The following PHF24 variants were observed in gnomAD, a reference collection of about 807,000 sequenced individuals.
The protein encoded by PHF24 is PHD finger protein 24, also known as Galpha inhibitory interacting protein.
Under a neutral mutation model 42.6 loss-of-function variants are expected in PHF24, and 25 were observed. The ratio of observed to expected loss-of-function variants is 0.59; its 90% CI spans 0.43 to 0.82. PHF24 has a LOEUF of 0.82. Among genes scored for constraint, PHF24 ranks in the 40% least tolerant of loss-of-function variants. The probability of loss-of-function intolerance (pLI) is 0.00; values close to 1 mark genes in which losing one functional copy is unlikely to be tolerated. For synonymous variants in PHF24, 185 were observed against 204.8 expected, an observed-to-expected ratio of 0.90 and a Z score of 0.83; for missense variants, 470 against 538.1, an observed-to-expected ratio of 0.87 and a Z score of 1.25.
chr9:34,956,814 C>T (rs1826386017), upstream of PHF24, among the ~76,000 whole-genome samples: 1 of 152,188 alleles, frequency 6.6e-6, no homozygotes. Context: ...CATAGTGTCT[C>T]TTGAGAAATA....
At position 34,971,741 on chromosome 9, in the gene PHF24, G is replaced by A. The variant is rs1826997218; in HGVS notation, c.378+65G>A. 2.0e-6 allele frequency: 3 copies of A among 1,512,996 alleles called. No homozygotes were observed. The South Asian group carries it at 3.9e-5, about 20-fold the overall frequency. The allele number at this position is 1,512,996 out of a possible 1,614,324, so 93.7% of individuals were successfully genotyped here. A position where few individuals can be genotyped will look rare whatever the true frequency, so the allele number is the denominator to read the frequency against. The stretch of plus-strand genomic sequence containing the variant: ...CATCAGGGAGCAGGACAGGGAAGAT[G>A]GATGTGGGTAAGGTGATCCTCAAAA... On this transcript the variant is annotated intron_variant, in intron 2 of 7. Coordinates refer to ENST00000242315, the Ensembl canonical transcript of PHF24.
At chr9:34,699,279 T>G in the PHF24 span, among the ~76,000 whole-genome samples, 2 of 152,358 alleles carry the variant, frequency 1.3e-5, no homozygotes, top group African/African-American at 4.8e-5. Flanking sequence ...ACAGAGGATC[T>G]GTAAGGTATG....
chr9:34,903,171 A>T, the PHF24 span, among the ~76,000 whole-genome samples: 1 of 152,242 alleles, frequency 6.6e-6, no homozygotes, highest in Admixed American at 6.5e-5. Flanking sequence ...TCTAAACTCC[A>T]CTAAGGTCCT....
At chr9:34,688,267 C>T in the PHF24 span, among the ~76,000 whole-genome samples, 1 of 152,216 alleles carries the variant, frequency 6.6e-6, no homozygotes, top group South Asian at 2.1e-4. Context: ...TCCTTGCTGT[C>T]ATCTGACCCC....
chr9:34,809,536 A>T, the PHF24 span, among the ~76,000 whole-genome samples: 29 of 152,330 alleles, frequency 1.9e-4, no homozygotes, highest in East Asian at 4.6e-3. This position sits in a 1 kb window ranked among gnomAD's most constrained non-coding sequence, Gnocchi z 4.1. Flanking sequence ...AACAGTGCAC[A>T]GTCAGAGTTG....
chr9:34,788,925 G>C, the PHF24 span, among the ~76,000 whole-genome samples: 1 of 152,210 alleles, frequency 6.6e-6, no homozygotes, highest in Middle Eastern at 3.2e-3. Context: ...GATAAGGAGG[G>C]GAAGAGAGCA....
the PHF24 span, among the ~76,000 whole-genome samples, chr9:34,752,031 C>T: frequency 1.3e-5 from 2 of 151,726 alleles, no homozygotes; most frequent in Admixed American, 6.6e-5. Flanking sequence ...CATACCAAAA[C>T]CTATAGGAAA....
the PHF24 span, among the ~76,000 whole-genome samples, chr9:34,792,350 G>A: frequency 6.6e-6 from 1 of 152,184 alleles, no homozygotes; most frequent in South Asian, 2.1e-4. Flanking sequence ...GTTGCCCAGG[G>A]ATGGGAAGGA....
chr9:34,934,573 T>C, the PHF24 span, among the ~76,000 whole-genome samples: 1 of 146,412 alleles, frequency 6.8e-6, no homozygotes, highest in South Asian at 2.3e-4. Context: ...CTGACATTAA[T>C]TGGAAAAAAA....
At chr9:34,977,449 TG>T in intron 6 of PHF24, 96 bp from the exon 7 acceptor site, 1 of 1,334,934 alleles carries the variant, frequency 7.5e-7, no homozygotes, top group Non-Finnish European at 1.1e-6. Flanking sequence ...CAGAAGAGCC[TG>T]GATGAGCATG....
the PHF24 span, among the ~76,000 whole-genome samples, chr9:34,736,229 T>C: frequency 6.6e-6 from 1 of 152,112 alleles, no homozygotes; most frequent in Non-Finnish European, 1.5e-5. Flanking sequence ...TATATGCAAC[T>C]GACATCCCAG....
At chr9:34,771,969 G>T in the PHF24 span, among the ~76,000 whole-genome samples, 9 of 152,102 alleles carry the variant, frequency 5.9e-5, no homozygotes, top group East Asian at 1.9e-4. Context: ...GTTTTATTAT[G>T]GAAATTCATC....
the PHF24 span, among the ~76,000 whole-genome samples, chr9:34,880,196 G>A: frequency 6.6e-6 from 1 of 152,144 alleles, no homozygotes; most frequent in African/African-American, 2.4e-5. Context: ...AGCTCCTGAA[G>A]GAAGCACTAA....
the PHF24 span, among the ~76,000 whole-genome samples, chr9:34,675,682 A>G: frequency 6.6e-6 from 1 of 152,144 alleles, no homozygotes; most frequent in Non-Finnish European, 1.5e-5. Flanking sequence ...GGGTTTCCTC[A>G]ATAGTTATCT....
chr9:34,889,064 T>C, the PHF24 span: 1 of 398,578 alleles, frequency 2.5e-6, no homozygotes, highest in Non-Finnish European at 4.4e-6. Flanking sequence ...AACAGGTGGC[T>C]CTTTGCTTAA....
At chr9:34,700,396 A>G in the PHF24 span, among the ~76,000 whole-genome samples, 1 of 152,198 alleles carries the variant, frequency 6.6e-6, no homozygotes, top group Admixed American at 6.5e-5. Flanking sequence ...AAGTGCTCAG[A>G]TTCTGGAAAC....
At chr9:34,752,728 A>G in the PHF24 span, among the ~76,000 whole-genome samples, 5 of 152,178 alleles carry the variant, frequency 3.3e-5, no homozygotes, top group African/African-American at 9.6e-5. Flanking sequence ...ACAAAGACAC[A>G]TCAAAAACAG....
chr9:34,791,991 C>T, the PHF24 span, among the ~76,000 whole-genome samples: 1 of 152,118 alleles, frequency 6.6e-6, no homozygotes, highest in African/African-American at 2.4e-5. Context: ...ATAAAGGAAG[C>T]ACTTTTGTGT....
the PHF24 span, among the ~76,000 whole-genome samples, chr9:34,769,465 T>C: frequency 6.6e-6 from 1 of 152,178 alleles, no homozygotes; most frequent in African/African-American, 2.4e-5. Flanking sequence ...TTCTAAGGGA[T>C]AGAAAGACTC....
Sources: allele counts gnomAD v4.1 joint callset (sites outside exome capture counted in the v4.1 genomes callset), GRCh38; gene constraint gnomAD v4.1.1; non-coding constraint Gnocchi (gnomAD v3.1); transcripts MANE v1.5; gene names NCBI Gene and HGNC (gene_info 2026-07-23, HGNC 2026-07-21).